NIPA1: variants seen among roughly 807,000 people sequenced by gnomAD.
NIPA1 encodes magnesium transporter NIPA1.
In NIPA1, 13 loss-of-function variants were observed where a neutral mutation model predicts 23.9. The observed-to-expected ratio is 0.54, with a 90% CI of 0.35 to 0.87. The LOEUF is 0.87. NIPA1 is among the 40% of genes least tolerant of loss of function. The pLI is 0.01. For missense variants in NIPA1, 362 were observed against 429.7 expected (o/e 0.84, Z 1.39); for synonymous variants, 234 against 202.9 (o/e 1.15, Z -1.30).
intron 2 of NIPA1, 53 bp from the exon 3 acceptor site, chr15:22,812,110 G>A (rs1895329481): frequency 4.6e-6 from 6 of 1,307,708 alleles, no homozygotes; most frequent in Non-Finnish European, 6.6e-6. Context: ...TGTGATCAGT[G>A]CTGGAAGAGA....
intron 1 of NIPA1, among the ~76,000 whole-genome samples, chr15:22,795,709 C>A (rs1345149569): frequency 2.0e-5 from 3 of 152,140 alleles, no homozygotes; most frequent in Admixed American, 2.0e-4. Flanking sequence ...TCTTGGCTTG[C>A]TCGGGCTGCT....
intron 1 of NIPA1, among the ~76,000 whole-genome samples, chr15:22,796,457 C>T (rs1385747223): frequency 1.3e-5 from 2 of 151,754 alleles, no homozygotes; most frequent in African/African-American, 4.8e-5. Flanking sequence ...TTTATATTTT[C>T]AGTTCTTTTT....
At chr15:22,823,695 G>T in intron 4 of NIPA1, 33 bp from the exon 5 acceptor site, 1 of 1,578,644 alleles carries the variant, frequency 6.3e-7, no homozygotes, top group South Asian at 1.1e-5. Context: ...CTAGGCGGTG[G>T]CTCCGGGTGA....
chr15:22,799,879 G>A (rs769585118), intron 1 of NIPA1, among the ~76,000 whole-genome samples: 3 of 143,448 alleles, frequency 2.1e-5, no homozygotes, highest in Non-Finnish European at 4.5e-5. Flanking sequence ...AGGAGGTTGA[G>A]GCTTCAGGGA....
At position 22,823,951 on chromosome 15, in the gene NIPA1, G is replaced by C. The variant is rs891513416; in HGVS notation, c.702G>C (p.Leu234=). 1 of 1,614,182 alleles carries C rather than the reference G, an allele frequency of 6.2e-7. No individual in the cohort carries two copies. The highest frequency in any genetic ancestry group is 1.7e-5 in the Admixed American group (1 of 60,024). The change falls in exon 5 of 5, where the codon CTG becomes CTC. Residue 234 remains leucine (L), a synonymous_variant. Transcript: ENST00000337435. The stretch of plus-strand genomic sequence containing the variant: ...CCCTCTGCCTGTGCCTGGTACTCCT[G>C]GCCGTGCTCGGCTGCAGCATCATCG... The part of the protein sequence containing the change: ...QRALCLCLVL[L]AVLGCSIIVQ...
At chr15:22,786,866 C>A in intron 1 of NIPA1, 32 bp downstream of exon 1, 1 of 128,020 alleles carries the variant, frequency 7.8e-6, no homozygotes, top group Non-Finnish European at 1.5e-5. Context: ...AGGCGGCGGG[C>A]GGGTGGGGGA....
chr15:22,805,483 A>G (rs72699911), intron 1 of NIPA1, among the ~76,000 whole-genome samples: 15,263 of 152,108 alleles, frequency 0.1, 881 homozygotes, highest in South Asian at 0.19. Context: ...GGTCAGGAGT[A>G]CAAGACCATC....
chr15:22,824,261 G>T lies in NIPA1; in HGVS notation c.*22G>T. ...CTAGATTGCAATAGGAGCTTGGATGGTTCGAGGAATAGGCATTGGAGGTGG... is the reference window on the plus strand; with the variant it reads ...CTAGATTGCAATAGGAGCTTGGATGTTTCGAGGAATAGGCATTGGAGGTGG... On this transcript the variant is annotated 3_prime_UTR_variant, in exon 5 of 5. Coordinates refer to ENST00000337435, the MANE Select transcript of NIPA1 (RefSeq NM_144599.5). This position sits in a 1 kb window ranked among gnomAD's most constrained non-coding sequence, Gnocchi z 4.1. 1 of 1,605,062 alleles carries T rather than the reference G, an allele frequency of 6.2e-7. No homozygotes were observed.
At chr15:22,822,317 A>G (rs1266091474) in intron 4 of NIPA1, among the ~76,000 whole-genome samples, 1 of 152,180 alleles carries the variant, frequency 6.6e-6, no homozygotes. Context: ...GGAGACATTC[A>G]GCAGTTGTGA....
rs1281741315 is a variant in NIPA1 at position 22,810,737 on chromosome 15, C to G, written c.179-12C>G. 6.3e-7 allele frequency: 1 copy of G among 1,585,460 alleles called. No homozygotes were observed. The highest frequency in any genetic ancestry group is 8.7e-7 in the Non-Finnish European group (1 of 1,153,944). ...CCCACTTTTCTGACATTTTTTATCT[C>G]ATTTTTTATAGGTACTTCCTATTTA... On this transcript the variant is annotated splice_polypyrimidine_tract_variant and intron_variant, in intron 1 of 4. Transcript: ENST00000337435.
At chr15:22,788,650 C>G (rs568373151) in intron 1 of NIPA1, among the ~76,000 whole-genome samples, 18 of 152,036 alleles carry the variant, frequency 1.2e-4, no homozygotes, top group Non-Finnish European at 2.5e-4. Flanking sequence ...TGAATACCAG[C>G]TTTAGTTAGT....
intron 1 of NIPA1, among the ~76,000 whole-genome samples, chr15:22,794,123 G>T (rs1281883988): frequency 6.6e-6 from 1 of 151,728 alleles, no homozygotes; most frequent in African/African-American, 2.4e-5. Flanking sequence ...GACAGGGATT[G>T]CATTGAATCT....
At chr15:22,814,451 C>T (rs1895377350) in intron 3 of NIPA1, among the ~76,000 whole-genome samples, 1 of 151,980 alleles carries the variant, frequency 6.6e-6, no homozygotes. Flanking sequence ...GATCCGCCCG[C>T]CGTCCTCCCA....
intron 2 of NIPA1, 44 bp from the exon 3 acceptor site, chr15:22,812,119 G>T: frequency 7.2e-7 from 1 of 1,381,238 alleles, no homozygotes; most frequent in South Asian, 1.2e-5. Context: ...TGCTGGAAGA[G>T]AGCTCTGTAA....
intron 3 of NIPA1, among the ~76,000 whole-genome samples, chr15:22,819,005 C>T (rs1346914418): frequency 3.9e-5 from 6 of 152,052 alleles, no homozygotes; most frequent in African/African-American, 1.4e-4. Flanking sequence ...TTCTCCTTTT[C>T]CAGGCAGCTA....
intron 1 of NIPA1, among the ~76,000 whole-genome samples, chr15:22,808,844 A>G (rs1483557655): frequency 1.3e-5 from 2 of 151,636 alleles, no homozygotes; most frequent in Admixed American, 6.6e-5. Flanking sequence ...TAATTTTTAA[A>G]TTTTTTGTAG....
intron 1 of NIPA1, among the ~76,000 whole-genome samples, chr15:22,789,100 C>A (rs930757911): frequency 6.6e-6 from 1 of 151,088 alleles, no homozygotes; most frequent in Non-Finnish European, 1.5e-5. Context: ...TCAAGCGATT[C>A]GCCTGCCACA....
In NIPA1 at chr15:22,786,680, G is replaced by A. The variant is rs1277721817; in HGVS notation, c.24G>A (p.Ala8=). 20 of 541,802 alleles carry A rather than the reference G, an allele frequency of 3.7e-5. No individual in the cohort carries two copies. The highest frequency in any genetic ancestry group is 2.7e-4 in the South Asian group (4 of 14,638). 33.6% of individuals were successfully genotyped at this position (541,802 alleles called of 1,614,324 possible). Residue 8 remains alanine, a synonymous_variant, in exon 1 of 5, where the codon GCG becomes GCA. Coordinates refer to ENST00000337435, the MANE Select transcript of NIPA1 (RefSeq NM_144599.5). MGTAAAA[A]AAAAAAAAGE... is the part of the protein sequence containing the mutation. The stretch of plus-strand genomic sequence containing the variant: ...GAATGGGGACTGCAGCTGCGGCAGC[G>A]GCGGCGGCGGCGGCGGCGGCGGCCG...
intron 1 of NIPA1, among the ~76,000 whole-genome samples, chr15:22,802,261 A>G (rs1423238107): frequency 6.6e-6 from 1 of 151,902 alleles, no homozygotes; most frequent in Admixed American, 6.6e-5. Flanking sequence ...GCGTGGTGGC[A>G]CATGCCTGTA....
Sources: allele counts gnomAD v4.1 joint callset (sites outside exome capture counted in the v4.1 genomes callset), GRCh38; gene constraint gnomAD v4.1.1; non-coding constraint Gnocchi (gnomAD v3.1); transcripts MANE v1.5; gene names NCBI Gene and HGNC (gene_info 2026-07-23, HGNC 2026-07-21).